CCT4: variants seen among roughly 807,000 people sequenced by gnomAD.
The protein encoded by CCT4 is T-complex protein 1 subunit delta.
A neutral mutation model predicts 62.5 loss-of-function variants in CCT4; 17 were observed. That is an observed-to-expected ratio of 0.27 (90% CI 0.19 to 0.41). The LOEUF (loss-of-function observed/expected upper bound fraction) is 0.41, where lower values mean the gene tolerates loss of function less well. CCT4 is among the 10% of genes least tolerant of loss of function. The pLI is 1.00. For synonymous variants in CCT4, 250 were observed against 229.9 expected (o/e 1.09, Z -0.79); for missense variants, 592 against 659.2 (o/e 0.90, Z 1.12).
chr2:61,884,564 C>T (rs903365341), intron 2 of CCT4, among the ~76,000 whole-genome samples: 1 of 152,000 alleles, frequency 6.6e-6, no homozygotes, highest in African/African-American at 2.4e-5. Context: ...CCGTCTCGGC[C>T]TCCCAAAGTG....
At chr2:61,888,287 A>C in intron 1 of CCT4, 94 bp downstream of exon 1, 1 of 1,430,090 alleles carries the variant, frequency 7.0e-7, no homozygotes, top group Non-Finnish European at 9.5e-7. Context: ...GGATCACCCG[A>C]AGAAATGGGA....
intron 10 of CCT4, among the ~76,000 whole-genome samples, 161 bp from the exon 11 acceptor site, chr2:61,872,749 A>C (rs897171603): frequency 6.6e-6 from 1 of 152,196 alleles, no homozygotes; most frequent in Non-Finnish European, 1.5e-5. Context: ...AACACAGTGA[A>C]ACCCCGTCTC....
chr2:61,870,730 G>A (rs1668866222), intron 12 of CCT4, among the ~76,000 whole-genome samples: 1 of 152,082 alleles, frequency 6.6e-6, no homozygotes, highest in South Asian at 2.1e-4. Flanking sequence ...ACCAGCCTCA[G>A]CAACACAGTG....
At chr2:61,884,073 ATC>A (rs762560046) in intron 2 of CCT4, among the ~76,000 whole-genome samples, 1 of 150,004 alleles carries the variant, frequency 6.7e-6, no homozygotes, top group East Asian at 1.9e-4. Flanking sequence ...ATATTGTTTT[ATC>A]TCACAGAGAC....
At chr2:61,871,904 A>G (rs928800435) in intron 12 of CCT4, among the ~76,000 whole-genome samples, 178 bp downstream of exon 12, 3 of 152,200 alleles carry the variant, frequency 2.0e-5, no homozygotes, top group Non-Finnish European at 4.4e-5. Flanking sequence ...ACTTCCCCCT[A>G]AGGTGTCACC....
chr2:61,885,174 T>A, intron 1 of CCT4, 102 bp from the exon 2 acceptor site: 1 of 761,938 alleles, frequency 1.3e-6, no homozygotes, highest in Non-Finnish European at 2.0e-6. Flanking sequence ...ACTCCTGGGC[T>A]CAAGCAACCC....
rs571746517 is a variant in CCT4, at chr2:61,883,919, T to C, written c.181-371A>G. 4.6e-5 allele frequency among the ~76,000 whole-genome samples: 7 copies of C among 152,296 alleles called. No individual in the cohort carries two copies. In the South Asian group the frequency reaches 1.2e-3, roughly 27 times the overall value. Reference sequence around the variant, plus strand: ...ATGCCCCTAAAGCAGTACCATGCCATGCGGTGAACACAATTCTTACAGTCA... The same window carrying C: ...ATGCCCCTAAAGCAGTACCATGCCACGCGGTGAACACAATTCTTACAGTCA... On this transcript the variant is annotated intron_variant, in intron 2 of 13. Coordinates refer to ENST00000394440, the MANE Select transcript of CCT4 (RefSeq NM_006430.4).
chr2:61,872,958 T>A, intron 10 of CCT4, 44 bp downstream of exon 10: 1 of 1,117,408 alleles, frequency 8.9e-7, no homozygotes, highest in South Asian at 1.3e-5. Context: ...TAAAACCCCA[T>A]ACCCAAACCT....
intron 1 of CCT4, chr2:61,885,774 T>C (rs927749246): frequency 3.3e-5 from 5 of 152,218 alleles, no homozygotes; most frequent in African/African-American, 1.2e-4. Flanking sequence ...TTCCTTCAGA[T>C]GTCAAAATGG....
Position 61,885,066 on chromosome 2 carries a change from G to A in CCT4, c.134C>T (p.Ala45Val), listed in dbSNP as rs753423841. ...FSNISAAKAV[A>V]DAIRTSLGPK... ...TCCAAGGCTTGTTCTAATAGCATCAGCAACCGCTGCAGATGGGGGGGAAAA... is the reference window on the plus strand; with the variant it reads ...TCCAAGGCTTGTTCTAATAGCATCAACAACCGCTGCAGATGGGGGGGAAAA... The change falls in exon 2 of 14, where the codon GCT (alanine) becomes GTT (valine). Residue 45 changes from alanine (A) to valine (V), a missense_variant. Physicochemically the swap from Ala to Val is moderately conservative, Grantham distance 64. Around this residue, in one of 3 missense-constraint regions of CCT4, gnomAD observed 67 missense variants for 71.1 expected, o/e 0.94. Coordinates refer to ENST00000394440, the MANE Select transcript of CCT4 (RefSeq NM_006430.4). The A allele has an allele frequency of 4.5e-6, 7 of 1,542,722 alleles. No individual in the cohort carries two copies. The South Asian group carries it at 7.6e-5, about 17-fold the overall frequency.
intron 1 of CCT4, 110 bp from the exon 2 acceptor site, chr2:61,885,182 C>T (rs1669223474): frequency 3.0e-6 from 2 of 671,034 alleles, no homozygotes; most frequent in Non-Finnish European, 4.6e-6. Context: ...GCTCAAGCAA[C>T]CCTCCCACCT....
intron 3 of CCT4, among the ~76,000 whole-genome samples, chr2:61,881,299 C>T (rs1669105587): frequency 6.6e-6 from 1 of 151,876 alleles, no homozygotes; most frequent in East Asian, 1.9e-4. Context: ...TATATAGAGA[C>T]TTTTGTCACT....
At chr2:61,869,341 A>C (rs1668836526) in intron 13 of CCT4, 99 bp downstream of exon 13, 1 of 684,322 alleles carries the variant, frequency 1.5e-6, no homozygotes, top group South Asian at 1.7e-5. Context: ...GTCTCAAAAA[A>C]ACCAACCAAC....
Position 61,872,997 on chromosome 2 carries a change from G to A in CCT4, c.1125+5C>T, listed in dbSNP as rs1668916239. 6.6e-7 allele frequency: 1 copy of A among 1,523,254 alleles called. No homozygotes were observed. The highest frequency in any genetic ancestry group is 9.1e-7 in the Non-Finnish European group (1 of 1,097,208). 94.4% of individuals were successfully genotyped at this position (1,523,254 alleles called of 1,614,324 possible). A position where few individuals can be genotyped will look rare whatever the true frequency, so the allele number is the denominator to read the frequency against. On this transcript the variant is annotated splice_donor_5th_base_variant and intron_variant, in intron 10 of 13. Transcript: ENST00000394440. ...CAAATAAAAATTTAAGTGTAATACTGTTACCTTGAGCAGTTTGCCAGAACC... is the reference window on the plus strand; with the variant it reads ...CAAATAAAAATTTAAGTGTAATACTATTACCTTGAGCAGTTTGCCAGAACC...
intron 1 of CCT4, 179 bp downstream of exon 1, chr2:61,888,202 G>A (rs2105146264): frequency 4.2e-6 from 3 of 716,268 alleles, no homozygotes; most frequent in Non-Finnish European, 6.6e-6. Context: ...TCCATACTCC[G>A]GGTTGGCGAT....
intron 6 of CCT4, 122 bp from the exon 7 acceptor site, chr2:61,877,174 T>C (rs1669019026): frequency 1.0e-6 from 1 of 976,392 alleles, no homozygotes; most frequent in Non-Finnish European, 1.5e-6. Context: ...CATTTATTAT[T>C]GCCCCACTCC....
chr2:61,886,749 T>C (rs1020140848), intron 1 of CCT4, among the ~76,000 whole-genome samples: 9 of 152,204 alleles, frequency 5.9e-5, no homozygotes, highest in South Asian at 2.1e-4. Context: ...TAAACTCTCT[T>C]GGCCCCCAAA....
chr2:61,871,156 C>T (rs979501027), intron 12 of CCT4, among the ~76,000 whole-genome samples: 14 of 151,872 alleles, frequency 9.2e-5, no homozygotes, highest in Admixed American at 6.6e-4. Flanking sequence ...CTCAGCCTCC[C>T]GTGTAGCTGG....
rs1022394861 is a variant in CCT4 at position 61,876,359 on chromosome 2, T to G, written c.778-125A>C. The G allele has an allele frequency of 6.7e-6, 4 of 599,672 alleles. No homozygotes were observed. The African/African-American group carries it at 7.5e-5, about 11-fold the overall frequency. The allele number at this position is 599,672 out of a possible 1,614,324, so 37.1% of individuals were successfully genotyped here. A position where few individuals can be genotyped will look rare whatever the true frequency, so the allele number is the denominator to read the frequency against. On this transcript the variant is annotated intron_variant, in intron 7 of 13. Coordinates refer to ENST00000394440, the MANE Select transcript of CCT4 (RefSeq NM_006430.4). The stretch of plus-strand genomic sequence containing the variant: ...AAACTATATCAAGTAATAAATTATA[T>G]AGACATGCATAGAAAAGAGTCTGGA...
Sources: gnomAD v4.1 joint callset for allele counts (sites outside exome capture counted in the v4.1 genomes callset) on GRCh38, gnomAD v4.1.1 for gene constraint, gnomAD v4.1.1 regional missense constraint, MANE v1.5 for transcripts, NCBI Gene and HGNC (gene_info 2026-07-23, HGNC 2026-07-21) for gene names.